PDE9A: variants seen among roughly 807,000 people sequenced by gnomAD.
PDE9A encodes the protein high affinity cGMP-specific 3',5'-cyclic phosphodiesterase 9A.
In PDE9A, 60 loss-of-function variants were observed where a neutral mutation model predicts 87.4. The observed-to-expected ratio is 0.69, with a 90% confidence interval of 0.56 to 0.85. The LOEUF (loss-of-function observed/expected upper bound fraction) is 0.85. PDE9A is among the 40% of genes least tolerant of loss of function. The pLI, the probability that PDE9A is intolerant of heterozygous loss-of-function variation, is 0.00. For synonymous variants in PDE9A, 272 were observed against 279.4 expected (o/e 0.97, Z 0.27); for missense variants, 665 against 779.0 (o/e 0.85, Z 1.74).
intron 4 of PDE9A, among the ~76,000 whole-genome samples, chr21:42,719,639 C>CAAA (rs35644198): frequency 3.8e-5 from 5 of 131,140 alleles, no homozygotes; most frequent in Non-Finnish European, 5.1e-5. Context: ...GAGTCTGTCT[C>CAAA]AAAAAAAAAA....
intron 9 of PDE9A, 118 bp from the exon 10 acceptor site, chr21:42,753,861 CAAAAAAAAAAA>C (rs57957426): frequency 4.6e-6 from 2 of 431,854 alleles, no homozygotes; most frequent in Non-Finnish European, 8.1e-6. Flanking sequence ...GACTCTATCT[CAAAAAAAAAAA>C]AAAAAAGAAA....
At chr21:42,691,028 C>G (rs1392177315) in intron 3 of PDE9A, among the ~76,000 whole-genome samples, 2 of 151,482 alleles carry the variant, frequency 1.3e-5, no homozygotes, top group African/African-American at 4.9e-5. Context: ...GTCACCAGCC[C>G]CATCACCATC....
intron 4 of PDE9A, among the ~76,000 whole-genome samples, chr21:42,714,540 C>T (rs1271447485): frequency 6.7e-6 from 1 of 149,236 alleles, no homozygotes; most frequent in African/African-American, 2.5e-5. Context: ...GTTAGCTCTA[C>T]CAGTCTTTGT....
At chr21:42,773,661 C>T (rs1007212089) in intron 19 of PDE9A, among the ~76,000 whole-genome samples, 8 of 150,792 alleles carry the variant, frequency 5.3e-5, no homozygotes, top group Admixed American at 4.6e-4. Flanking sequence ...ATTAGCCGGG[C>T]GTGGTGGCGG....
intron 1 of PDE9A, among the ~76,000 whole-genome samples, chr21:42,656,135 G>C (rs1244839958): frequency 1.3e-5 from 2 of 152,112 alleles, no homozygotes; most frequent in Non-Finnish European, 2.9e-5. Context: ...GCGTGAATCT[G>C]TCTCCCTGCC....
rs550538317 is a variant in PDE9A, at chr21:42,708,950, A to G, written c.262+9939A>G. Among the ~76,000 whole-genome samples the G allele has an allele frequency of 6.6e-5, 10 of 152,352 alleles. No individual in the cohort carries two copies. In the South Asian group the frequency reaches 2.1e-3, roughly 32 times the overall value. On this transcript the variant is annotated intron_variant, in intron 4 of 19. Transcript: ENST00000291539. ...ACCATTTGACCCAGCAATGACGTTT[A>G]TATATATACCCAAAGGAATATAAAT...
At chr21:42,754,426 C>A (rs746398153) in intron 10 of PDE9A, among the ~76,000 whole-genome samples, 27 of 152,196 alleles carry the variant, frequency 1.8e-4, no homozygotes, top group Non-Finnish European at 3.4e-4. Context: ...CTGCCAGGAG[C>A]AAATCTCTCC....
intron 4 of PDE9A, among the ~76,000 whole-genome samples, chr21:42,707,387 G>A (rs939935314): frequency 1.3e-5 from 2 of 152,166 alleles, no homozygotes; most frequent in African/African-American, 2.4e-5. Context: ...TGTGGCATAC[G>A]CGGCTGCCCC....
chr21:42,768,426 C>A, intron 16 of PDE9A, 134 bp downstream of exon 16: 2 of 1,046,612 alleles, frequency 1.9e-6, no homozygotes, highest in South Asian at 1.6e-5. Flanking sequence ...CTCCAGAAAG[C>A]CTTCAGGGTA....
chr21:42,660,189 G>A lies in PDE9A; in HGVS notation c.69+6306G>A, dbSNP rs1452958869. Among the ~76,000 whole-genome samples, 1 of 152,178 alleles carries A rather than the reference G, an allele frequency of 6.6e-6. No homozygotes were observed. Among genetic ancestry groups the A allele is most frequent in the Non-Finnish European group, 1.5e-5 (1 of 68,024 alleles). ...CCGCACTCCTGGGAAATTTCAGAAGGTTTTGGGCAAGAAGGGCCCAGAGAG... is the reference window on the plus strand; with the variant it reads ...CCGCACTCCTGGGAAATTTCAGAAGATTTTGGGCAAGAAGGGCCCAGAGAG... On this transcript the variant is annotated intron_variant, in intron 1 of 19. Coordinates refer to ENST00000291539, the MANE Select transcript of PDE9A (RefSeq NM_002606.3). This position sits in a 1 kb window ranked among gnomAD's most constrained non-coding sequence, Gnocchi z 4.7.
chr21:42,774,991 G>A (rs1340440930), intron 19 of PDE9A, among the ~76,000 whole-genome samples: 2 of 151,036 alleles, frequency 1.3e-5, no homozygotes, highest in African/African-American at 2.4e-5. Context: ...GCCCAGGCTG[G>A]AGTGCAGTGG....
rs550145711 is a variant in PDE9A at position 42,655,121 on chromosome 21, T to C, written c.69+1238T>C. On this transcript the variant is annotated intron_variant, in intron 1 of 19. Coordinates refer to ENST00000291539, the MANE Select transcript of PDE9A (RefSeq NM_002606.3). ...ATGCACACTCACACACACACACACA[T>C]GCTCCAATGCTCACACATCCACTCA... is the stretch of plus-strand genomic sequence containing the variant. Among the ~76,000 whole-genome samples the C allele has an allele frequency of 4.1e-4, 62 of 151,666 alleles. 1 individual carries two copies. The highest frequency in any genetic ancestry group is 1.2e-3 in the East Asian group (6 of 5,142).
intron 17 of PDE9A, among the ~76,000 whole-genome samples, chr21:42,769,486 GCACACAAGGCACGCAGGT>G (rs1157185029): frequency 5.7e-4 from 5 of 8,848 alleles, no homozygotes; most frequent in Non-Finnish European, 1.6e-3. Context: ...AGGTACACAT[GCACACAAGGCACGCAGGT>G]ACACATGCAC....
intron 7 of PDE9A, among the ~76,000 whole-genome samples, chr21:42,740,634 CAT>C (rs1569228545): frequency 7.9e-6 from 1 of 126,294 alleles, no homozygotes; most frequent in Non-Finnish European, 1.8e-5. Context: ...TGAATGGATA[CAT>C]AGATGAATGG....
intron 1 of PDE9A, among the ~76,000 whole-genome samples, chr21:42,661,172 C>CA (rs1250123102): frequency 3.3e-5 from 5 of 151,936 alleles, no homozygotes; most frequent in Non-Finnish European, 5.9e-5. Flanking sequence ...GCTGGGACTA[C>CA]AGGCGCCTGC....
intron 19 of PDE9A, among the ~76,000 whole-genome samples, chr21:42,774,028 A>G (rs2057299784): frequency 6.6e-6 from 1 of 152,162 alleles, no homozygotes; most frequent in Admixed American, 6.5e-5. Context: ...GCAGTGAGCC[A>G]AGATCGTGCC....
chr21:42,706,046 G>A (rs925307743), intron 4 of PDE9A, among the ~76,000 whole-genome samples: 6 of 152,220 alleles, frequency 3.9e-5, no homozygotes, highest in Admixed American at 3.9e-4. Context: ...CAAGCCAGAG[G>A]AGGCCGGCGG....
rs1401799198 is a variant in PDE9A at position 42,718,891 on chromosome 21, A to G, written c.263-12879A>G. Among the ~76,000 whole-genome samples, 28 of 151,890 alleles carry G rather than the reference A, an allele frequency of 1.8e-4. 1 individual carries two copies. Among genetic ancestry groups the G allele is most frequent in the Non-Finnish European group, 5.9e-5 (4 of 67,892 alleles). ...AGGAGAGACATTGGATTTTGTTATC[A>G]TCCTCTGAAGAGTGTTAATTTTGCT... On this transcript the variant is annotated intron_variant, in intron 4 of 19. Coordinates refer to ENST00000291539, the MANE Select transcript of PDE9A (RefSeq NM_002606.3).
intron 10 of PDE9A, chr21:42,757,889 C>T (rs71320557): frequency 0.068 from 10,349 of 152,380 alleles, 504 homozygotes; most frequent in Non-Finnish European, 0.11. Flanking sequence ...CTCCAAATAG[C>T]CCCACTGGGG....
Sources: allele counts gnomAD v4.1 joint callset (sites outside exome capture counted in the v4.1 genomes callset), GRCh38; gene constraint gnomAD v4.1.1; non-coding constraint Gnocchi (gnomAD v3.1); transcripts MANE v1.5; gene names NCBI Gene and HGNC (gene_info 2026-07-23, HGNC 2026-07-21).